The following SMG1 variants were observed in gnomAD, a reference collection of about 807,000 sequenced individuals.
The protein encoded by SMG1 is serine/threonine-protein kinase SMG1.
In SMG1, 22 loss-of-function variants were observed where a neutral mutation model predicts 419.9. The observed-to-expected ratio is 0.05, with a 90% CI of 0.04 to 0.07. SMG1 has a LOEUF of 0.07. Ranked by LOEUF, SMG1 falls within the 10% of genes least tolerant of loss-of-function variation. SMG1 has a pLI of 1.00. For missense variants in SMG1, 3,185 were observed against 4,342.0 expected (o/e 0.73, Z 7.49); for synonymous variants, 1,538 against 1,553.5 (o/e 0.99, Z 0.23).
In SMG1 at chr16:18,835,177, G is replaced by T; in HGVS notation, c.8058-13C>A. The T allele has an allele frequency of 6.3e-7, 1 of 1,596,878 alleles. No individual in the cohort carries two copies. Among genetic ancestry groups the T allele is most frequent in the Non-Finnish European group, 8.6e-7 (1 of 1,167,322 alleles). On this transcript the variant is annotated splice_polypyrimidine_tract_variant and intron_variant, in intron 48 of 62. Transcript: ENST00000446231. Reference sequence around the variant, plus strand: ...TTGCATTTCATATCTATAAAAATAAGGAAGAGGTGCTTGTTTATAACACAA... The same window carrying T: ...TTGCATTTCATATCTATAAAAATAATGAAGAGGTGCTTGTTTATAACACAA...
At position 18,868,555 on chromosome 16, in the gene SMG1, C is replaced by G; in HGVS notation, c.2998G>C (p.Gly1000Arg). ...GGTGAAGTTAATGCATTAGCACATCCCTCGTATGCATTATACATTAATTTC... is the reference window on the plus strand; with the variant it reads ...GGTGAAGTTAATGCATTAGCACATCGCTCGTATGCATTATACATTAATTTC... ...LEKLMYNAYE[G>R]CANALTSPPK... The change falls in exon 21 of 63, where the codon GGA (glycine) becomes CGA (arginine). Residue 1000 changes from glycine (G) to arginine (R), a missense_variant. This residue lies in a region of SMG1 where 70 missense variants were observed against 185.7 expected (regional missense o/e 0.38). Coordinates refer to ENST00000446231, the MANE Select transcript of SMG1 (RefSeq NM_015092.5). 2 of 1,595,786 alleles carry G rather than the reference C, an allele frequency of 1.3e-6. No homozygotes were observed. Among genetic ancestry groups the G allele is most frequent in the Non-Finnish European group, 1.7e-6 (2 of 1,178,268 alleles).
chr16:18,869,011 A>G (rs1321923054), intron 20 of SMG1, 93 bp downstream of exon 20: 4 of 1,157,948 alleles, frequency 3.5e-6, no homozygotes, highest in African/African-American at 3.1e-5. Context: ...CAAAAAAATC[A>G]TATACTCTCA....
At chr16:18,835,631 C>T (rs747980102) in intron 48 of SMG1, among the ~76,000 whole-genome samples, 2 of 152,126 alleles carry the variant, frequency 1.3e-5, no homozygotes, top group Admixed American at 6.5e-5. Flanking sequence ...ATTGGCCAGG[C>T]GCAGTGGCTC....
Position 18,864,019 on chromosome 16 carries a change from G to A in SMG1, c.3476C>T (p.Pro1159Leu), listed in dbSNP as rs980321950. Residue 1159 changes from proline to leucine, a missense_variant, in exon 24 of 63, where the codon CCG becomes CTG. Pro to Leu is a moderately conservative substitution (Grantham distance 98). Transcript: ENST00000446231. The part of the protein sequence containing the change: ...LANAGRNSAS[P>L]KHSLNGESRK... ...ACGCTCACCATTCAGAGAATGTTTC[G>A]GGCTGGCACTGTTACGCCCAGCATT... is the stretch of plus-strand genomic sequence containing the variant. 3 of 1,549,682 alleles carry A rather than the reference G, an allele frequency of 1.9e-6. No homozygotes were observed. The highest frequency in any genetic ancestry group is 1.2e-5 in the South Asian group (1 of 83,980).
chr16:18,818,634 G>A (rs1262068867), intron 56 of SMG1, among the ~76,000 whole-genome samples: 1 of 152,114 alleles, frequency 6.6e-6, no homozygotes, highest in African/African-American at 2.4e-5. Flanking sequence ...TAGAAAGGAG[G>A]ATTAGGGAGT....
rs761478113 is a variant in SMG1 at position 18,839,725 on chromosome 16, T to C, written c.6918A>G (p.Thr2306=). 1 of 1,613,972 alleles carries C rather than the reference T, an allele frequency of 6.2e-7. No individual in the cohort carries two copies. The highest frequency in any genetic ancestry group is 8.5e-7 in the Non-Finnish European group (1 of 1,179,890). The change falls in exon 42 of 63, where the codon ACA becomes ACG. Residue 2306 remains threonine (T), a synonymous_variant. Coordinates refer to ENST00000446231, the MANE Select transcript of SMG1 (RefSeq NM_015092.5). ...GCGTAACTCTCCACCATTCATCAGG[T>C]GTTGTGCAAGATGACCAGAGCTCTT... ...LAKELWSSCT[T]PDEWWRVTQS...
In SMG1 at chr16:18,926,161, G is replaced by GGAAGCC. The variant is rs1491514400; in HGVS notation, c.-121_-120insGGCTTC. 3 of 643,342 alleles carry GGAAGCC rather than the reference G, an allele frequency of 4.7e-6. No individual in the cohort carries two copies. The allele number at this position is 643,342 out of a possible 1,614,324, so 39.9% of individuals were successfully genotyped here. ...GGGCTGAGGAGGAAGCCGAGAAGGA[G>GGAAGCC]GAGGAGGAGGAGGAGGAGGAGAAGG... On this transcript the variant is annotated 5_prime_UTR_variant, in exon 1 of 63. Coordinates refer to ENST00000446231, the MANE Select transcript of SMG1 (RefSeq NM_015092.5).
At chr16:18,917,703 G>A (rs1341745299) in intron 1 of SMG1, among the ~76,000 whole-genome samples, 4 of 150,238 alleles carry the variant, frequency 2.7e-5, no homozygotes, top group Non-Finnish European at 5.9e-5. Context: ...TCAGCCTCCC[G>A]AGTAGCTGGG....
chr16:18,891,677 G>A (rs1445375433), intron 4 of SMG1, among the ~76,000 whole-genome samples: 1 of 152,090 alleles, frequency 6.6e-6, no homozygotes, highest in African/African-American at 2.4e-5. Context: ...CAGGTGATCC[G>A]CCTGCCTTGG....
At chr16:18,874,612 T>C (rs569002504) in intron 13 of SMG1, among the ~76,000 whole-genome samples, 1 of 145,410 alleles carries the variant, frequency 6.9e-6, no homozygotes, top group Admixed American at 6.9e-5. Flanking sequence ...ACGCCTGTAA[T>C]TCCAGCACTT....
At position 18,872,185 on chromosome 16, in the gene SMG1, T is replaced by G; in HGVS notation, c.2182A>C (p.Arg728=). 6.8e-7 allele frequency: 1 copy of G among 1,462,880 alleles called. No individual in the cohort carries two copies. Among genetic ancestry groups the G allele is most frequent in the Non-Finnish European group, 9.4e-7 (1 of 1,059,490 alleles). 90.6% of individuals were successfully genotyped at this position (1,462,880 alleles called of 1,614,324 possible). ...TTAATACTATATAATATCTGTTACCTCGTGTCCTGGTTAAGGTTATCTTTC... is the reference window on the plus strand; with the variant it reads ...TTAATACTATATAATATCTGTTACCGCGTGTCCTGGTTAAGGTTATCTTTC... The part of the protein sequence containing the change: ...LKKDNLNQDT[R]KLLMTWALEA... The change falls in exon 15 of 63, where the codon AGG becomes CGG. Residue 728 remains arginine (R), a splice_region_variant and synonymous_variant. Coordinates refer to ENST00000446231, the MANE Select transcript of SMG1 (RefSeq NM_015092.5).
chr16:18,865,396 C>T (rs1413052670), intron 23 of SMG1, among the ~76,000 whole-genome samples: 2 of 152,040 alleles, frequency 1.3e-5, no homozygotes, highest in African/African-American at 4.8e-5. Flanking sequence ...AAACTGCAGC[C>T]ACCTTTTCTG....
chr16:18,838,665 T>C lies in SMG1; in HGVS notation c.6970A>G (p.Met2324Val). 1 of 1,609,968 alleles carries C rather than the reference T, an allele frequency of 6.2e-7. No individual in the cohort carries two copies. The highest frequency in any genetic ancestry group is 8.5e-7 in the Non-Finnish European group (1 of 1,178,182). Residue 2324 changes from methionine (M) to valine (V), a missense_variant, in exon 43 of 63, where the codon ATG becomes GTG. Coordinates refer to ENST00000446231, the MANE Select transcript of SMG1 (RefSeq NM_015092.5). ...TQSYARSTAVMSMVGYIIGLG... is the reference protein window; with the variant it reads ...TQSYARSTAVVSMVGYIIGLG... Reference sequence around the variant, plus strand: ...CCAATTATGTATCCAACCATAGACATGACTGCAGTAGATCTTGCATAAGAC... The same window carrying C: ...CCAATTATGTATCCAACCATAGACACGACTGCAGTAGATCTTGCATAAGAC...
chr16:18,851,857 T>C (rs1408711785), intron 33 of SMG1, among the ~76,000 whole-genome samples: 1 of 152,134 alleles, frequency 6.6e-6, no homozygotes, highest in Non-Finnish European at 1.5e-5. Context: ...CACCTATTTT[T>C]AACAGGACTC....
At chr16:18,848,712 G>GT (rs781668153) in intron 36 of SMG1, among the ~76,000 whole-genome samples, 1 of 152,166 alleles carries the variant, frequency 6.6e-6, no homozygotes, top group Non-Finnish European at 1.5e-5. Flanking sequence ...CAGATAATGT[G>GT]TAAAGCACAT....
chr16:18,834,815 A>G (rs1158733530), intron 49 of SMG1, 77 bp downstream of exon 49: 2 of 1,470,138 alleles, frequency 1.4e-6, no homozygotes, highest in Non-Finnish European at 1.9e-6. Context: ...AAGACTAAGG[A>G]AAGTAAAAGA....
intron 6 of SMG1, among the ~76,000 whole-genome samples, chr16:18,888,477 C>A (rs2036734530): frequency 1.5e-5 from 2 of 135,794 alleles, no homozygotes; most frequent in South Asian, 4.8e-4. Flanking sequence ...GGAAAAAAAT[C>A]CTTTTTTTTT....
At chr16:18,815,832 T>A in intron 58 of SMG1, 181 bp from the exon 59 acceptor site, 1 of 582,894 alleles carries the variant, frequency 1.7e-6, no homozygotes, top group Non-Finnish European at 3.0e-6. Context: ...AAAGTAAAAG[T>A]AAATTCTAAA....
chr16:18,915,388 A>G (rs1478196338), intron 1 of SMG1, among the ~76,000 whole-genome samples: 1 of 152,146 alleles, frequency 6.6e-6, no homozygotes, highest in African/African-American at 2.4e-5. Context: ...CAGGGCTGCC[A>G]TAAGAGGAAC....
Sources: gnomAD v4.1 joint callset for allele counts (sites outside exome capture counted in the v4.1 genomes callset) on GRCh38, gnomAD v4.1.1 for gene constraint, gnomAD v4.1.1 regional missense constraint, MANE v1.5 for transcripts, NCBI Gene and HGNC (gene_info 2026-07-23, HGNC 2026-07-21) for gene names.